The following NUP188 variants were observed in gnomAD, a reference collection of about 807,000 sequenced individuals.
NUP188 encodes nucleoporin 188.
NUP188 carries 97 observed loss-of-function variants against 223.0 expected under a neutral mutation model. That is an observed-to-expected ratio of 0.43 (90% CI 0.37 to 0.51). The LOEUF is 0.51. Ranked by LOEUF, NUP188 falls within the 20% of genes least tolerant of loss-of-function variation. The pLI is 0.00. For missense variants in NUP188, 1,947 were observed against 2,175.6 expected, an observed-to-expected ratio of 0.89 and a Z score of 2.09; for synonymous variants, 869 against 828.0, an observed-to-expected ratio of 1.05 and a Z score of -0.85.
chr9:128,969,273 A>G, intron 9 of NUP188, 127 bp from the exon 10 acceptor site: 2 of 616,318 alleles, frequency 3.2e-6, no homozygotes, highest in Non-Finnish European at 5.7e-6. Context: ...TGTTAGGATT[A>G]TAGGCGTTAG....
intron 34 of NUP188, among the ~76,000 whole-genome samples, chr9:129,000,593 C>T (rs1021518331): frequency 6.6e-6 from 1 of 151,870 alleles, no homozygotes; most frequent in African/African-American, 2.4e-5. Context: ...GCTGGGATTA[C>T]AGGCGTGAGC....
At chr9:128,961,453 A>C (rs1417864778) in intron 8 of NUP188, among the ~76,000 whole-genome samples, 1 of 151,958 alleles carries the variant, frequency 6.6e-6, no homozygotes, top group Non-Finnish European at 1.5e-5. Context: ...TGGAGGTTGC[A>C]GTGAGCCGAG....
intron 6 of NUP188, 87 bp from the exon 7 acceptor site, chr9:128,958,715 A>G: frequency 4.7e-6 from 3 of 638,604 alleles, no homozygotes; most frequent in South Asian, 7.1e-5. Context: ...TTCCATCCAC[A>G]TCTTTAAGTG....
At chr9:128,990,737 C>T (rs1051343383) in intron 25 of NUP188, among the ~76,000 whole-genome samples, 3 of 152,284 alleles carry the variant, frequency 2.0e-5, no homozygotes, top group South Asian at 4.1e-4. Flanking sequence ...TTATGGCAGG[C>T]GCCTGTAGTC....
Position 128,988,158 on chromosome 9 carries a change from C to T in NUP188, c.2505C>T (p.Ser835=), listed in dbSNP as rs1338346511. The part of the protein sequence containing the change: ...IRLKPPSNVV[S]PLEQALSQHG... Reference sequence around the variant, plus strand: ...TGAAACCTCCTTCTAATGTGGTGTCCCCCCTGGAACAGGCTCTCTCACAAC... The same window carrying T: ...TGAAACCTCCTTCTAATGTGGTGTCTCCCCTGGAACAGGCTCTCTCACAAC... Residue 835 remains serine (S), a synonymous_variant, in exon 24 of 44, where the codon TCC becomes TCT. Transcript: ENST00000372577. 1.9e-6 allele frequency: 3 copies of T among 1,613,910 alleles called. No individual in the cohort carries two copies. The highest frequency in any genetic ancestry group is 2.5e-6 in the Non-Finnish European group (3 of 1,179,972).
rs757186670 is a variant in NUP188 at position 128,998,233 on chromosome 9, G to A, written c.3429+5G>A. 7 of 1,610,662 alleles carry A rather than the reference G, an allele frequency of 4.3e-6. No homozygotes were observed. Among genetic ancestry groups the A allele is most frequent in the Non-Finnish European group, 5.1e-6 (6 of 1,176,920 alleles). ...CTTGATGGAACCAAAGCATTAGTAA[G>A]TGTGTCTGGGAGATTTTACATTTCT... On this transcript the variant is annotated splice_donor_5th_base_variant and intron_variant, in intron 31 of 43. Transcript: ENST00000372577.
chr9:128,971,269 G>A (rs541819299), intron 11 of NUP188, among the ~76,000 whole-genome samples: 1 of 152,304 alleles, frequency 6.6e-6, no homozygotes, highest in African/African-American at 2.4e-5. Flanking sequence ...CTCTTTGCCA[G>A]TAAAGTATGT....
intron 3 of NUP188, among the ~76,000 whole-genome samples, chr9:128,954,406 A>G (rs530217608): frequency 1.2e-3 from 122 of 105,914 alleles, no homozygotes; most frequent in African/African-American, 4.6e-3. Context: ...TTTTTTTGAG[A>G]TGGAGTCTCG....
chr9:128,996,347 A>G (rs10988170), intron 30 of NUP188, among the ~76,000 whole-genome samples: 461 of 152,066 alleles, frequency 3.0e-3, no homozygotes, highest in African/African-American at 0.011. Context: ...ATGGGGTTTC[A>G]CCTTGTTGGT....
At position 128,987,695 on chromosome 9, in the gene NUP188, G is replaced by A; in HGVS notation, c.2371G>A (p.Val791Met). 6.2e-7 allele frequency: 1 copy of A among 1,614,056 alleles called. No homozygotes were observed. Among genetic ancestry groups the A allele is most frequent in the East Asian group, 2.2e-5 (1 of 44,872 alleles). ...MGIGVDTIDM[V>M]MAAQPRSDGA... ...CATTGGCGTGGACACCATTGACATG[G>A]TGATGGCTGCTCAGCCTCGAAGGTA... Residue 791 changes from valine to methionine, a missense_variant, in exon 23 of 44, where the codon GTG becomes ATG. This residue lies in a region of NUP188 where 225 missense variants were observed against 319.1 expected (regional missense o/e 0.71). Coordinates refer to ENST00000372577, the MANE Select transcript of NUP188 (RefSeq NM_015354.3).
chr9:128,969,248 C>T, intron 9 of NUP188, 152 bp from the exon 10 acceptor site: 1 of 574,788 alleles, frequency 1.7e-6, no homozygotes, highest in Non-Finnish European at 3.1e-6. Flanking sequence ...ATCCTCCCAC[C>T]TCTGCCTCTC....
intron 10 of NUP188, among the ~76,000 whole-genome samples, chr9:128,969,984 G>A (rs1842083955): frequency 1.3e-5 from 2 of 152,012 alleles, no homozygotes; most frequent in Non-Finnish European, 2.9e-5. Flanking sequence ...CTGGAGTGCA[G>A]TGGTGCCATC....
intron 19 of NUP188, among the ~76,000 whole-genome samples, chr9:128,984,152 G>A (rs1431905951): frequency 1.1e-5 from 1 of 94,178 alleles, no homozygotes; most frequent in Non-Finnish European, 1.8e-5. Context: ...TTGAGATGGA[G>A]TTGCGCTCTT....
At chr9:128,977,046 C>T (rs1395740313) in intron 12 of NUP188, among the ~76,000 whole-genome samples, 1 of 151,948 alleles carries the variant, frequency 6.6e-6, no homozygotes, top group Admixed American at 6.6e-5. Flanking sequence ...GCACTCCAAC[C>T]TGGGAGACAG....
rs971695825 is a variant in NUP188 at position 128,966,272 on chromosome 9, G to GTGTGTGTGTGTGTGTT, written c.586-2222_586-2207dup. On this transcript the variant is annotated intron_variant, in intron 8 of 43. Transcript: ENST00000372577. ...TCTGTCTCTGTGTCTGTGTGTGTGT[G>GTGTGTGTGTGTGTGTT]TGTGTGTGTGTGTGTTTGTGTGTGT... Among the ~76,000 whole-genome samples, 10 of 151,232 alleles carry GTGTGTGTGTGTGTGTT rather than the reference G, an allele frequency of 6.6e-5. No homozygotes were observed. In the Admixed American group the frequency reaches 6.6e-4, roughly 10 times the overall value.
chr9:128,951,179 A>T (rs1246794122), intron 2 of NUP188, among the ~76,000 whole-genome samples: 1 of 152,014 alleles, frequency 6.6e-6, no homozygotes, highest in Non-Finnish European at 1.5e-5. Flanking sequence ...GTGGTGGTGC[A>T]TGCCTGTAAT....
chr9:128,956,057 C>A (rs1372220775), intron 3 of NUP188, among the ~76,000 whole-genome samples: 4 of 151,664 alleles, frequency 2.6e-5, no homozygotes, highest in Admixed American at 1.3e-4. Context: ...TAGTAAGGAT[C>A]AAAAATAATG....
In NUP188 at chr9:129,001,736, G is replaced by T; in HGVS notation, c.4044+7G>T. On this transcript the variant is annotated splice_region_variant and intron_variant, in intron 35 of 43. Coordinates refer to ENST00000372577, the MANE Select transcript of NUP188 (RefSeq NM_015354.3). ...CCTGGCTCGCACTCAGCAGGTAGGA[G>T]GCCAGCCCGAAGGCAGGAGGGAGCG... 6.2e-7 allele frequency: 1 copy of T among 1,612,698 alleles called. No individual in the cohort carries two copies. Among genetic ancestry groups the T allele is most frequent in the Non-Finnish European group, 8.5e-7 (1 of 1,179,560 alleles).
intron 30 of NUP188, among the ~76,000 whole-genome samples, chr9:128,996,364 G>C (rs565039488): frequency 1.3e-5 from 2 of 152,208 alleles, no homozygotes; most frequent in African/African-American, 2.4e-5. Flanking sequence ...TGGTCAGGCT[G>C]GTCTCGAACT....
Sources: allele counts gnomAD v4.1 joint callset (sites outside exome capture counted in the v4.1 genomes callset), GRCh38; gene constraint gnomAD v4.1.1; regional missense constraint gnomAD v4.1.1; transcripts MANE v1.5; gene names NCBI Gene and HGNC (gene_info 2026-07-23, HGNC 2026-07-21).